Variants in MED27 observed in about 807,000 individuals in gnomAD.
MED27 encodes the protein mediator of RNA polymerase II transcription subunit 27.
A neutral mutation model predicts 38.2 loss-of-function variants in MED27; 30 were observed. The observed-to-expected ratio is 0.79, with a 90% confidence interval of 0.59 to 1.07. The LOEUF (loss-of-function observed/expected upper bound fraction) is 1.07, where lower values mean the gene tolerates loss of function less well. Ranked by LOEUF, MED27 falls within the 50% of genes least tolerant of loss-of-function variation. The probability of loss-of-function intolerance (pLI) is 0.00; values close to 1 mark genes in which losing one functional copy is unlikely to be tolerated. For missense variants in MED27, 289 were observed against 397.5 expected (o/e 0.73, Z 2.32); for synonymous variants, 122 against 153.5 (o/e 0.79, Z 1.52).
At chr9:131,907,942 C>T (rs1393703163) in intron 4 of MED27, among the ~76,000 whole-genome samples, 12 of 151,166 alleles carry the variant, frequency 7.9e-5, no homozygotes, top group African/African-American at 2.7e-4. Flanking sequence ...CGTCTCTGCC[C>T]GGCTGCCCCA....
At chr9:132,029,744 C>A (rs1260777787) in intron 2 of MED27, among the ~76,000 whole-genome samples, 1 of 151,994 alleles carries the variant, frequency 6.6e-6, no homozygotes, top group African/African-American at 2.4e-5. Context: ...TTTGAACAAG[C>A]TGGCTTTCTA....
chr9:131,884,404 T>C (rs932159044), intron 5 of MED27, among the ~76,000 whole-genome samples: 3 of 152,204 alleles, frequency 2.0e-5, no homozygotes, highest in Non-Finnish European at 4.4e-5. Flanking sequence ...ACCACGGCTC[T>C]TGCATATCTC....
chr9:132,066,135 G>A (rs79514739), intron 2 of MED27, among the ~76,000 whole-genome samples: 2 of 152,356 alleles, frequency 1.3e-5, no homozygotes, highest in East Asian at 3.9e-4. Flanking sequence ...CCTGGAGAAC[G>A]GGGCCAGACC....
At chr9:132,067,054 G>A (rs745510272) in intron 2 of MED27, among the ~76,000 whole-genome samples, 4 of 152,186 alleles carry the variant, frequency 2.6e-5, no homozygotes, top group South Asian at 2.1e-4. Flanking sequence ...AAAAATGACC[G>A]AGGAAGAGAC....
chr9:131,881,800 CTTT>C (rs61624043), intron 6 of MED27, among the ~76,000 whole-genome samples: 40 of 60,966 alleles, frequency 6.6e-4, no homozygotes, highest in East Asian at 4.3e-3. Flanking sequence ...TCTTCTTCTT[CTTT>C]TTTTTTTTTT....
chr9:131,875,640 CG>C (rs1194251641), intron 6 of MED27, among the ~76,000 whole-genome samples: 1 of 152,188 alleles, frequency 6.6e-6, no homozygotes, highest in Non-Finnish European at 1.5e-5. Flanking sequence ...TTCATACCTA[CG>C]AATTCAACTT....
Position 131,923,316 on chromosome 9 carries a change from T to G in MED27, c.573+16065A>C, listed in dbSNP as rs145239684. On this transcript the variant is annotated intron_variant, in intron 4 of 7. Coordinates refer to ENST00000292035, the MANE Select transcript of MED27 (RefSeq NM_004269.4). ...CCAAAGGGATGAAACTTGGCTCCCA[T>G]TATCCACAATTTATTTCCGTATTTG... Among the ~76,000 whole-genome samples, 106 of 152,330 alleles carry G rather than the reference T, an allele frequency of 7.0e-4. 1 individual carries two copies. Among genetic ancestry groups the G allele is most frequent in the Admixed American group, 9.8e-4 (15 of 15,304 alleles).
intron 2 of MED27, among the ~76,000 whole-genome samples, chr9:132,054,395 G>A (rs1833530448): frequency 6.6e-6 from 1 of 152,218 alleles, no homozygotes; most frequent in Non-Finnish European, 1.5e-5. Context: ...CGCTTGTGCA[G>A]CCTGCAGAAC....
intron 3 of MED27, among the ~76,000 whole-genome samples, chr9:131,974,238 T>G (rs141173877): frequency 1.5e-4 from 23 of 152,368 alleles, no homozygotes; most frequent in African/African-American, 5.5e-4. Flanking sequence ...TGTCTTGTTA[T>G]AAATGCATTG....
At chr9:131,935,665 A>G (rs2131574873) in intron 4 of MED27, among the ~76,000 whole-genome samples, 1 of 152,288 alleles carries the variant, frequency 6.6e-6, no homozygotes, top group East Asian at 1.9e-4. Flanking sequence ...TGCATTTTAA[A>G]AATGAGAAGG....
intron 3 of MED27, among the ~76,000 whole-genome samples, chr9:132,010,359 A>G (rs1211754316): frequency 6.6e-6 from 1 of 152,188 alleles, no homozygotes. Context: ...TTAGAATGGC[A>G]ATCATTAAAA....
intron 3 of MED27, among the ~76,000 whole-genome samples, chr9:131,989,609 T>G (rs1831927672): frequency 1.3e-5 from 2 of 152,220 alleles, no homozygotes; most frequent in African/African-American, 2.4e-5. Flanking sequence ...TTAAGTAGAT[T>G]CACACTGTTG....
intron 4 of MED27, among the ~76,000 whole-genome samples, chr9:131,933,669 T>C (rs1356109732): frequency 1.3e-5 from 2 of 152,056 alleles, no homozygotes; most frequent in Non-Finnish European, 2.9e-5. Flanking sequence ...TCCATGTTCA[T>C]AGGTTGGAAG....
At chr9:131,942,576 CCAT>C (rs1410950578) in intron 3 of MED27, among the ~76,000 whole-genome samples, 1 of 152,170 alleles carries the variant, frequency 6.6e-6, no homozygotes, top group Non-Finnish European at 1.5e-5. Context: ...CAATCAATAG[CCAT>C]CATAGCTCTG....
intron 2 of MED27, among the ~76,000 whole-genome samples, chr9:132,035,498 T>C (rs1032936955): frequency 1.3e-5 from 2 of 151,872 alleles, no homozygotes; most frequent in African/African-American, 4.8e-5. Flanking sequence ...GGGAAGCAGA[T>C]GGGGGGTGGT....
At chr9:131,949,488 G>A (rs1320489712) in intron 3 of MED27, among the ~76,000 whole-genome samples, 2 of 152,210 alleles carry the variant, frequency 1.3e-5, no homozygotes, top group African/African-American at 4.8e-5. Context: ...CACTATGGCT[G>A]AGTGGCACAG....
At position 131,861,880 on chromosome 9, in the gene MED27, G is replaced by A. The variant is rs1007655252; in HGVS notation, c.801+1183C>T. ...TAACCTTGAACTCCTGGGCTCAAGCGATCCTCCCGCTTCAGCCTCCTGAGT... is the reference window on the plus strand; with the variant it reads ...TAACCTTGAACTCCTGGGCTCAAGCAATCCTCCCGCTTCAGCCTCCTGAGT... On this transcript the variant is annotated intron_variant, in intron 7 of 7. Coordinates refer to ENST00000292035, the MANE Select transcript of MED27 (RefSeq NM_004269.4). The surrounding 1 kb of genome is among the most constrained non-coding windows in gnomAD (Gnocchi z 4.4). Among the ~76,000 whole-genome samples the A allele has an allele frequency of 7.2e-5, 11 of 151,806 alleles. No homozygotes were observed. The highest frequency in any genetic ancestry group is 1.0e-4 in the Non-Finnish European group (7 of 68,024).
chr9:131,921,862 T>C lies in MED27; in HGVS notation c.573+17519A>G, dbSNP rs543190922. Among the ~76,000 whole-genome samples the C allele has an allele frequency of 7.9e-5, 12 of 152,352 alleles. No individual in the cohort carries two copies. In the South Asian group the frequency reaches 2.1e-3, roughly 26 times the overall value. ...CAGCCATAAAAAAGGATGAGTTTCA[T>C]GTCCTTTGTAGGGACATGGATGAAG... On this transcript the variant is annotated intron_variant, in intron 4 of 7. Coordinates refer to ENST00000292035, the MANE Select transcript of MED27 (RefSeq NM_004269.4).
rs1034552613 is a variant in MED27 at position 131,997,964 on chromosome 9, T to C, written c.479+16373A>G. On this transcript the variant is annotated intron_variant, in intron 3 of 7. Transcript: ENST00000292035. The surrounding 1 kb of genome is among the most constrained non-coding windows in gnomAD (Gnocchi z 4.0). ...CTCTGAGTCTATAAATCTGGGCTCA[T>C]TTGTAGAACAGAAATATCTGTTCCC... Among the ~76,000 whole-genome samples the C allele has an allele frequency of 1.6e-4, 24 of 152,204 alleles. No individual in the cohort carries two copies. Among genetic ancestry groups the C allele is most frequent in the Admixed American group, 1.0e-3 (16 of 15,290 alleles).
Sources: allele counts gnomAD v4.1 joint callset (sites outside exome capture counted in the v4.1 genomes callset), GRCh38; gene constraint gnomAD v4.1.1; non-coding constraint Gnocchi (gnomAD v3.1); transcripts MANE v1.5; gene names NCBI Gene and HGNC (gene_info 2026-07-23, HGNC 2026-07-21).